The following ERI2 variants were observed in gnomAD, a reference collection of about 807,000 sequenced individuals.
The protein encoded by ERI2 is ERI1 exoribonuclease 2.
Under a neutral mutation model 46.8 loss-of-function variants are expected in ERI2, and 35 were observed. The ratio of observed to expected loss-of-function variants is 0.75; its 90% CI spans 0.57 to 0.99. The LOEUF is 0.99. ERI2 is among the 50% of genes least tolerant of loss of function. ERI2 has a pLI of 0.00. For synonymous variants in ERI2, 224 were observed against 271.0 expected (o/e 0.83, Z 1.70); for missense variants, 695 against 796.2 (o/e 0.87, Z 1.53).
Position 20,797,554 on chromosome 16 carries a change from TA to T in ERI2, c.*169del. On this transcript the variant is annotated 3_prime_UTR_variant, in exon 9 of 9. Coordinates refer to ENST00000357967, the MANE Select transcript of ERI2 (RefSeq NM_001142725.2). ...ATATACTATTGTTGCTTATTATATGTAATCTAATAAATACTGTTTACAAAAG... is the reference window on the plus strand; with the variant it reads ...ATATACTATTGTTGCTTATTATATGTATCTAATAAATACTGTTTACAAAAG... 8.1e-7 allele frequency: 1 copy of T among 1,238,800 alleles called. No individual in the cohort carries two copies. The highest frequency in any genetic ancestry group is 1.0e-6 in the Non-Finnish European group (1 of 988,554). The allele number at this position is 1,238,800 out of a possible 1,614,324, so 76.7% of individuals were successfully genotyped here.
In ERI2 at chr16:20,787,948, A is replaced by C. The variant is rs150144340; in HGVS notation, c.894+1531T>G. Among the ~76,000 whole-genome samples the C allele has an allele frequency of 1.3e-3, 205 of 152,278 alleles. 1 individual carries two copies. The highest frequency in any genetic ancestry group is 4.7e-3 in the African/African-American group (197 of 41,548). ...CACTTCAGTCTCAGATGGTTGGTAA[A>C]CCAAATAATAACAGAACTGATTTCA... On this transcript the variant is annotated intron_variant, in intron 10 of 10. Coordinates refer to the ERI2 transcript ENST00000300005.
At chr16:20,783,143 C>T (rs1008226124) in intron 10 of ERI2, 2 of 152,132 alleles carry the variant, frequency 1.3e-5, no homozygotes, top group South Asian at 4.1e-4. Context: ...CATTGAGAGT[C>T]GCCTCATGAG....
chr16:20,792,074 A>C (rs765139611), downstream of ERI2: 16 of 1,614,068 alleles, frequency 9.9e-6, no homozygotes, highest in Non-Finnish European at 1.3e-5. Context: ...ATATATGGAT[A>C]AAGATGGGTA....
Position 20,796,695 on chromosome 16 carries a change from C to G in ERI2, c.*1029G>C. On this transcript the variant is annotated 3_prime_UTR_variant, in exon 9 of 9. Coordinates refer to ENST00000357967, the MANE Select transcript of ERI2 (RefSeq NM_001142725.2). ...GTTTGGTCCTTTGGCTTACTGGACTCACAGTAAATACTTAATATCAAGACA... is the reference window on the plus strand; with the variant it reads ...GTTTGGTCCTTTGGCTTACTGGACTGACAGTAAATACTTAATATCAAGACA... The G allele has an allele frequency of 6.8e-7, 1 of 1,477,920 alleles. No homozygotes were observed. The highest frequency in any genetic ancestry group is 8.9e-7 in the Non-Finnish European group (1 of 1,121,380). 91.6% of individuals were successfully genotyped at this position (1,477,920 alleles called of 1,614,324 possible).
Position 20,798,882 on chromosome 16 carries a change from T to C in ERI2, c.918A>G (p.Ala306=), listed in dbSNP as rs998040893. The part of the protein sequence containing the change: ...KSICANSPIK[A]QQDQLQVKNN... ...TTTTTACTTGTAATTGATCCTGTTGTGCCTTTATAGGAGAATTTGCACAAA... is the reference window on the plus strand; with the variant it reads ...TTTTTACTTGTAATTGATCCTGTTGCGCCTTTATAGGAGAATTTGCACAAA... Residue 306 remains alanine, a synonymous_variant, in exon 9 of 9, where the codon GCA becomes GCG. Transcript: ENST00000357967. The C allele has an allele frequency of 1.9e-6, 3 of 1,550,606 alleles. No individual in the cohort carries two copies. In the African/African-American group the frequency reaches 4.1e-5, roughly 21 times the overall value.
At chr16:20,786,987 C>G (rs2080488208) in intron 10 of ERI2, among the ~76,000 whole-genome samples, 1 of 152,206 alleles carries the variant, frequency 6.6e-6, no homozygotes, top group Admixed American at 6.5e-5. Context: ...TGCTCCCAAG[C>G]CTGCCTGGCC....
At chr16:20,801,134 C>A in intron 5 of ERI2, 69 bp downstream of exon 5, 1 of 1,319,876 alleles carries the variant, frequency 7.6e-7, no homozygotes, top group Non-Finnish European at 1.0e-6. Context: ...AAGTATAAAA[C>A]TAGAAATAAA....
At chr16:20,780,732 C>A in exon 11 of ERI2, 1 of 1,614,184 alleles carries the variant, frequency 6.2e-7, no homozygotes, top group Non-Finnish European at 8.5e-7. Flanking sequence ...GTGACAGCCA[C>A]ACCTGTGTGA....
intron 3 of ERI2, among the ~76,000 whole-genome samples, chr16:20,803,191 G>A (rs1053794757): frequency 6.6e-6 from 1 of 151,902 alleles, no homozygotes; most frequent in African/African-American, 2.4e-5. Flanking sequence ...TACTTTTTTT[G>A]CAAAGGCATT....
rs2080756169 is a variant in ERI2, at chr16:20,798,242, A to C, written c.1558T>G (p.Leu520Val). The C allele has an allele frequency of 6.4e-7, 1 of 1,551,508 alleles. No individual in the cohort carries two copies. The highest frequency in any genetic ancestry group is 8.7e-7 in the Non-Finnish European group (1 of 1,146,914). The change falls in exon 9 of 9, where the codon TTA (leucine) becomes GTA (valine). Residue 520 changes from leucine to valine, a missense_variant. Coordinates refer to ENST00000357967, the MANE Select transcript of ERI2 (RefSeq NM_001142725.2). ...NRVNANMSHP[L>V]VLGKHPLLSG... ...AGAAGAGGATGTTTCCCCAAAACTA[A>C]AGGATGAGACATATTGGCATTAACT...
intron 7 of ERI2, 90 bp downstream of exon 7, chr16:20,799,867 C>A: frequency 2.7e-6 from 2 of 732,842 alleles, no homozygotes; most frequent in Non-Finnish European, 4.7e-6. Context: ...CTGAAGATAT[C>A]CCTTACTAAT....
At chr16:20,793,885 C>T (rs190725383), downstream of ERI2, among the ~76,000 whole-genome samples, 2 of 152,270 alleles carry the variant, frequency 1.3e-5, no homozygotes, top group African/African-American at 4.8e-5. Context: ...GTAGCTGAGC[C>T]TTTCGGAACA....
intron 1 of ERI2, among the ~76,000 whole-genome samples, chr16:20,804,235 G>A (rs2152496047): frequency 6.6e-6 from 1 of 152,196 alleles, no homozygotes; most frequent in African/African-American, 2.4e-5. Context: ...TTTGATTGTA[G>A]AGGTAAAAAT....
At position 20,796,367 on chromosome 16, in the gene ERI2, T is replaced by C; in HGVS notation, c.*1357A>G. The C allele has an allele frequency of 1.9e-6, 3 of 1,605,406 alleles. No individual in the cohort carries two copies. Among genetic ancestry groups the C allele is most frequent in the Non-Finnish European group, 2.5e-6 (3 of 1,177,858 alleles). On this transcript the variant is annotated 3_prime_UTR_variant, in exon 9 of 9. Coordinates refer to ENST00000357967, the MANE Select transcript of ERI2 (RefSeq NM_001142725.2). The stretch of plus-strand genomic sequence containing the variant: ...TTCCTGGTGTTTCAAATATTTATTT[T>C]AGGTAGTAAAGGCTTTTGTCGTTCT...
In ERI2 at chr16:20,803,492, A is replaced by G. The variant is rs762441556; in HGVS notation, c.116T>C (p.Val39Ala). Residue 39 changes from valine to alanine, a missense_variant, in exon 3 of 9, where the codon GTC (valine) becomes GCC (alanine). Coordinates refer to ENST00000357967, the MANE Select transcript of ERI2 (RefSeq NM_001142725.2). ...CCAGCATGTCGATTCAAAATCAATG[A>G]CAATTAAGTAGTCAAACAACTGCTC... ...KSKQLFDYLI[V>A]IDFESTCWND... 2.5e-6 allele frequency: 4 copies of G among 1,613,912 alleles called. No individual in the cohort carries two copies. Among genetic ancestry groups the G allele is most frequent in the Admixed American group, 1.7e-5 (1 of 60,016 alleles).
At chr16:20,801,506 CA>C in intron 4 of ERI2, 147 bp from the exon 5 acceptor site, 1 of 804,650 alleles carries the variant, frequency 1.2e-6, no homozygotes, top group Non-Finnish European at 1.8e-6. Flanking sequence ...GAAGACATAA[CA>C]AAGTGGTTCT....
rs769791621 is a variant in ERI2 at position 20,804,021 on chromosome 16, A to AT, written c.24-352dup. ...ATGCCACCACGGCCCATTAGTTTTA[A>AT]TTTTTTTTTTTTTTTGAAGGCAGGG... On this transcript the variant is annotated intron_variant, in intron 1 of 8. Coordinates refer to ENST00000357967, the MANE Select transcript of ERI2 (RefSeq NM_001142725.2). 2.6e-3 allele frequency among the ~76,000 whole-genome samples: 371 copies of AT among 141,936 alleles called. 2 individuals are homozygous for AT. The highest frequency in any genetic ancestry group is 7.3e-3 in the Middle Eastern group (2 of 274). The allele number at this position is 141,936 out of a possible 152,430, so 93.1% of individuals were successfully genotyped here.
chr16:20,785,994 A>G, intron 10 of ERI2: 1 of 937,452 alleles, frequency 1.1e-6, no homozygotes, highest in Non-Finnish European at 1.6e-6. Context: ...TTTTCAATAA[A>G]TAATTTGTTG....
chr16:20,796,307 A>G, downstream of ERI2: 1 of 1,576,858 alleles, frequency 6.3e-7, no homozygotes, highest in Non-Finnish European at 8.6e-7. Flanking sequence ...GCAAGCAAAC[A>G]AGACATACTA....
Sources: allele counts gnomAD v4.1 joint callset (sites outside exome capture counted in the v4.1 genomes callset), GRCh38; gene constraint gnomAD v4.1.1; transcripts MANE v1.5; gene names NCBI Gene and HGNC (gene_info 2026-07-23, HGNC 2026-07-21).